Variants in GLDN observed in about 807,000 individuals in gnomAD.
The protein encoded by GLDN is collomin.
GLDN carries 47 observed loss-of-function variants against 56.5 expected under a neutral mutation model. The ratio of observed to expected loss-of-function variants is 0.83; its 90% confidence interval spans 0.66 to 1.06. GLDN has a LOEUF of 1.06. GLDN is among the 50% of genes least tolerant of loss of function. GLDN has a pLI of 0.00. For synonymous variants in GLDN, 332 were observed against 278.8 expected, an observed-to-expected ratio of 1.19 and a Z score of -1.90; for missense variants, 782 against 714.3, an observed-to-expected ratio of 1.09 and a Z score of -1.08.
rs2038344783 is a variant in GLDN at position 51,404,966 on chromosome 15, A to G, written c.*212A>G. 2 of 486,820 alleles carry G rather than the reference A, an allele frequency of 4.1e-6. No homozygotes were observed. Among genetic ancestry groups the G allele is most frequent in the South Asian group, 2.8e-5 (1 of 35,188 alleles). The allele number at this position is 486,820 out of a possible 1,614,324, so 30.2% of individuals were successfully genotyped here. Reference sequence around the variant, plus strand: ...GTGATCTCCCCACAGCTGGCTCTGCAAGTTACCTCTTTCTCCTTGGGCCTT... The same window carrying G: ...GTGATCTCCCCACAGCTGGCTCTGCGAGTTACCTCTTTCTCCTTGGGCCTT... On this transcript the variant is annotated 3_prime_UTR_variant, in exon 10 of 10. Coordinates refer to ENST00000335449, the MANE Select transcript of GLDN (RefSeq NM_181789.4).
In GLDN at chr15:51,400,496, C is replaced by T. The variant is rs754295348; in HGVS notation, c.1025C>T (p.Ser342Leu). 3.1e-6 allele frequency: 5 copies of T among 1,613,984 alleles called. No homozygotes were observed. The highest frequency in any genetic ancestry group is 4.2e-6 in the Non-Finnish European group (5 of 1,179,954). The stretch of plus-strand genomic sequence containing the variant: ...CGGATTTGGGTGACAGAGCATTTTT[C>T]AGGTACTTGCACTCGGCCTATGACC... ...DDRIWVTEHF[S>L]GIMVKEFKDQ... The change falls in exon 8 of 10, where the codon TCA becomes TTA. Residue 342 changes from serine (S) to leucine (L), a missense_variant and splice_region_variant. Transcript: ENST00000335449.
rs985254100 is a variant in GLDN, at chr15:51,384,094, C to G, written c.541+202C>G. ...GTCCCACCTTGACAGATGTTTATTT[C>G]AAACTGGAGAAGCCGTCTCCTGGGA... On this transcript the variant is annotated intron_variant, in intron 4 of 9. Transcript: ENST00000335449. 8.1e-6 allele frequency: 5 copies of G among 620,338 alleles called. No individual in the cohort carries two copies. The East Asian group carries it at 1.2e-4, about 15-fold the overall frequency. The allele number at this position is 620,338 out of a possible 1,614,324, so 38.4% of individuals were successfully genotyped here. A position where few individuals can be genotyped will look rare whatever the true frequency, so the allele number is the denominator to read the frequency against.
downstream of GLDN, among the ~76,000 whole-genome samples, chr15:51,411,326 G>C (rs2038463158): frequency 6.6e-6 from 1 of 152,186 alleles, no homozygotes; most frequent in South Asian, 2.1e-4. Flanking sequence ...CTCCAAAGAA[G>C]ATTAAACTCC....
intron 1 of GLDN, among the ~76,000 whole-genome samples, chr15:51,371,563 C>A (rs2037516647): frequency 6.6e-6 from 1 of 152,210 alleles, no homozygotes; most frequent in Non-Finnish European, 1.5e-5. Context: ...GAGAAAAAAA[C>A]TGGAAAAGCT....
chr15:51,365,569 C>T (rs2037384762), intron 1 of GLDN, among the ~76,000 whole-genome samples: 1 of 152,034 alleles, frequency 6.6e-6, no homozygotes, highest in Admixed American at 6.6e-5. Flanking sequence ...GACAGGTCAT[C>T]GAGGTTTGGA....
rs1049484462 is a variant in GLDN, at chr15:51,383,667, A to T, written c.434-118A>T. The T allele has an allele frequency of 2.7e-5, 25 of 935,238 alleles. No homozygotes were observed. The African/African-American group carries it at 6.7e-4, about 25-fold the overall frequency. The allele number at this position is 935,238 out of a possible 1,614,324, so 57.9% of individuals were successfully genotyped here. ...GAAGGAAGGAAAGAAGTGGGAAAGG[A>T]TGTGGAAAAGGAATTGATGCCTGCT... On this transcript the variant is annotated intron_variant, in intron 3 of 9. Coordinates refer to ENST00000335449, the MANE Select transcript of GLDN (RefSeq NM_181789.4).
chr15:51,383,576 T>A (rs2037816852), intron 3 of GLDN, 123 bp downstream of exon 3: 2 of 1,207,666 alleles, frequency 1.7e-6, no homozygotes, highest in Non-Finnish European at 1.2e-6. Flanking sequence ...GTGTGTCTCC[T>A]TCTTTGTGCC....
At chr15:51,347,673 G>C (rs192644777) in intron 1 of GLDN, among the ~76,000 whole-genome samples, 1 of 152,290 alleles carries the variant, frequency 6.6e-6, no homozygotes, top group Non-Finnish European at 1.5e-5. Flanking sequence ...GCAAAATCTG[G>C]AAAAAATTAC....
intron 1 of GLDN, among the ~76,000 whole-genome samples, chr15:51,349,086 G>A (rs725000): frequency 0.013 from 2,034 of 152,230 alleles, 46 homozygotes; most frequent in African/African-American, 0.047. Flanking sequence ...ATGTACTCCC[G>A]ATTCTTAGGG....
At chr15:51,358,108 T>C (rs2037221759) in intron 1 of GLDN, among the ~76,000 whole-genome samples, 1 of 152,208 alleles carries the variant, frequency 6.6e-6, no homozygotes, top group African/African-American at 2.4e-5. Flanking sequence ...GGATCAGCGA[T>C]TAAAACTGTA....
At chr15:51,400,649 G>C (rs2038231255) in intron 8 of GLDN, 151 bp downstream of exon 8, 2 of 926,298 alleles carry the variant, frequency 2.2e-6, no homozygotes, top group African/African-American at 3.3e-5. Context: ...CCAATAAGTG[G>C]GCAGAAAACT....
chr15:51,352,579 C>A (rs1250293442), intron 1 of GLDN, among the ~76,000 whole-genome samples: 1 of 152,164 alleles, frequency 6.6e-6, no homozygotes, highest in African/African-American at 2.4e-5. Context: ...TAGTATTTGG[C>A]CTCTTAAAGC....
rs535647977 is a variant in GLDN at position 51,382,608 on chromosome 15, C to A, written c.416-828C>A. Among the ~76,000 whole-genome samples the A allele has an allele frequency of 6.2e-4, 94 of 151,358 alleles. 1 individual carries two copies. Among genetic ancestry groups the A allele is most frequent in the African/African-American group, 2.1e-3 (87 of 41,254 alleles). On this transcript the variant is annotated intron_variant, in intron 2 of 9. Coordinates refer to ENST00000335449, the MANE Select transcript of GLDN (RefSeq NM_181789.4). Reference sequence around the variant, plus strand: ...GGGCGTGGTGGCGGGTGCCTGTAGTCCCAGCTACTCGGGAGGCTGAGGCAG... The same window carrying A: ...GGGCGTGGTGGCGGGTGCCTGTAGTACCAGCTACTCGGGAGGCTGAGGCAG...
At chr15:51,347,117 T>C (rs1158636147) in intron 1 of GLDN, among the ~76,000 whole-genome samples, 1 of 152,094 alleles carries the variant, frequency 6.6e-6, no homozygotes, top group East Asian at 1.9e-4. Flanking sequence ...ATATCATAGA[T>C]ACATAATCTT....
At chr15:51,380,928 C>T (rs10162956) in intron 2 of GLDN, among the ~76,000 whole-genome samples, 15,579 of 152,260 alleles carry the variant, frequency 0.1, 1,611 homozygotes, top group African/African-American at 0.26. Context: ...GGGCCCATGA[C>T]CACCTCCATT....
chr15:51,347,710 C>T (rs1054555160), intron 1 of GLDN, among the ~76,000 whole-genome samples: 4 of 152,190 alleles, frequency 2.6e-5, no homozygotes, highest in Non-Finnish European at 5.9e-5. Context: ...AGCAATCTCA[C>T]CATAGATTTT....
At chr15:51,376,241 C>T (rs895474780) in intron 1 of GLDN, among the ~76,000 whole-genome samples, 3 of 152,228 alleles carry the variant, frequency 2.0e-5, no homozygotes, top group Admixed American at 6.5e-5. Flanking sequence ...AAGCCTATTG[C>T]TCCTAGGCTA....
At chr15:51,396,735 T>A (rs2038137161) in intron 5 of GLDN, among the ~76,000 whole-genome samples, 1 of 152,126 alleles carries the variant, frequency 6.6e-6, no homozygotes, top group African/African-American at 2.4e-5. Context: ...CAGTTGCCCA[T>A]CCAACCGTCT....
intron 2 of GLDN, among the ~76,000 whole-genome samples, chr15:51,381,912 C>T (rs1006366177): frequency 1.3e-5 from 2 of 152,118 alleles, no homozygotes; most frequent in African/African-American, 4.8e-5. Context: ...ACAGCATCAT[C>T]CCCCTGCCTA....
Sources: gnomAD v4.1 joint callset for allele counts (sites outside exome capture counted in the v4.1 genomes callset) on GRCh38, gnomAD v4.1.1 for gene constraint, MANE v1.5 for transcripts, NCBI Gene and HGNC (gene_info 2026-07-23, HGNC 2026-07-21) for gene names.